The following NOL11 variants were observed in gnomAD, a reference collection of about 807,000 sequenced individuals.
NOL11 encodes the protein nucleolar protein 11.
A neutral mutation model predicts 93.0 loss-of-function variants in NOL11; 42 were observed. The observed-to-expected ratio is 0.45, with a 90% CI of 0.35 to 0.58. The LOEUF is 0.58. NOL11 is among the 20% of genes least tolerant of loss of function. The pLI, the probability that NOL11 is intolerant of heterozygous loss-of-function variation, is 0.00. For synonymous variants in NOL11, 296 were observed against 293.7 expected (o/e 1.01, Z -0.08); for missense variants, 775 against 841.8 (o/e 0.92, Z 0.98).
At chr17:67,727,001 T>A (rs1307086871) in intron 7 of NOL11, 1 of 164,154 alleles carries the variant, frequency 6.1e-6, no homozygotes, top group Non-Finnish European at 1.3e-5. Flanking sequence ...ATCATGGAAA[T>A]CCACTGGACA....
intron 8 of NOL11, among the ~76,000 whole-genome samples, chr17:67,735,140 CTG>C (rs2055189335): frequency 6.6e-6 from 1 of 152,178 alleles, no homozygotes; most frequent in Admixed American, 6.6e-5. Flanking sequence ...GCTGAACAGA[CTG>C]TGCACTTCCT....
At position 67,737,082 on chromosome 17, in the gene NOL11, A is replaced by G; in HGVS notation, c.1155A>G (p.Arg385=). ...TTACTTAATTCCAGTTAAGGAGACG[A>G]AAAATTGAAGTGAGTTTACAGCCAG... is the stretch of plus-strand genomic sequence containing the variant. The part of the protein sequence containing the change: ...SEQSRRILRR[R]KIEVSLQPEV... Residue 385 remains arginine (R), a synonymous_variant, in exon 11 of 18, where the codon CGA becomes CGG. Coordinates refer to ENST00000253247, the MANE Select transcript of NOL11 (RefSeq NM_015462.5). 6.2e-7 allele frequency: 1 copy of G among 1,609,242 alleles called. No homozygotes were observed. Among genetic ancestry groups the G allele is most frequent in the Non-Finnish European group, 8.5e-7 (1 of 1,175,736 alleles).
At chr17:67,719,560 G>T in intron 1 of NOL11, 114 bp from the exon 2 acceptor site, 2 of 606,374 alleles carry the variant, frequency 3.3e-6, no homozygotes, top group Non-Finnish European at 5.7e-6. Context: ...CCCTCGGCCA[G>T]TAAATTTTTT....
At chr17:67,724,214 C>G (rs780039248) in intron 6 of NOL11, 21 bp downstream of exon 6, 5 of 1,433,338 alleles carry the variant, frequency 3.5e-6, no homozygotes, top group Non-Finnish European at 3.8e-6. Flanking sequence ...TTTCTTTAAA[C>G]TTTCAGAGAT....
At chr17:67,727,811 C>CA (rs1168297780) in intron 7 of NOL11, among the ~76,000 whole-genome samples, 2 of 148,460 alleles carry the variant, frequency 1.3e-5, no homozygotes, top group South Asian at 2.1e-4. Flanking sequence ...ACCAAAAATA[C>CA]AAAAAATCAC....
At position 67,735,900 on chromosome 17, in the gene NOL11, C is replaced by G; in HGVS notation, c.931C>G (p.Leu311Val). Residue 311 changes from leucine to valine, a missense_variant and splice_region_variant, in exon 9 of 18, where the codon CTC becomes GTC. Physicochemically the swap from Leu to Val is conservative, Grantham distance 32 (BLOSUM62 1). Around this residue, in one of 2 missense-constraint regions of NOL11, gnomAD observed 416 missense variants for 525.2 expected, o/e 0.79. Transcript: ENST00000253247. ...ATGTTTTTGATAACTTTTTTTGTAG[C>G]TCTGGTATTATGGAGAACATTTGTT... is the stretch of plus-strand genomic sequence containing the variant. ...KELPQGTSGQ[L>V]WYYGEHLFML... 2 of 1,599,458 alleles carry G rather than the reference C, an allele frequency of 1.3e-6. No homozygotes were observed. Among genetic ancestry groups the G allele is most frequent in the South Asian group, 1.1e-5 (1 of 88,104 alleles).
At chr17:67,743,428 A>G (rs776990514) in intron 16 of NOL11, 51 bp from the exon 17 acceptor site, 1 of 801,016 alleles carries the variant, frequency 1.2e-6, no homozygotes, top group Non-Finnish European at 2.1e-6. Flanking sequence ...AAAGTGAATT[A>G]ACCTGAAGTT....
intron 15 of NOL11, 64 bp from the exon 16 acceptor site, chr17:67,739,452 G>A (rs2143139504): frequency 2.2e-6 from 2 of 921,790 alleles, no homozygotes; most frequent in East Asian, 2.6e-5. Context: ...TCTTCGTGAT[G>A]GGTTTATATA....
intron 7 of NOL11, among the ~76,000 whole-genome samples, chr17:67,729,269 CCTTTTT>C (rs934645516): frequency 9.5e-4 from 144 of 151,896 alleles, no homozygotes; most frequent in African/African-American, 3.3e-3. Flanking sequence ...TAATTTTTTT[CCTTTTT>C]CTTTTTGTAT....
intron 6 of NOL11, 122 bp from the exon 7 acceptor site, chr17:67,726,338 T>C (rs1411126118): frequency 2.9e-6 from 2 of 700,010 alleles, no homozygotes; most frequent in African/African-American, 3.7e-5. Context: ...ATGGGATTGT[T>C]TATTTTTCTG....
chr17:67,722,679 C>CT, intron 5 of NOL11, 42 bp downstream of exon 5: 2 of 1,420,038 alleles, frequency 1.4e-6, no homozygotes, highest in Non-Finnish European at 9.2e-7. Flanking sequence ...TGTGAAATTT[C>CT]TTTAAAAAAA....
At position 67,739,027 on chromosome 17, in the gene NOL11, G is replaced by A. The variant is rs1301015436; in HGVS notation, c.1842+17G>A. ...CATATCACGGTAAGTGTTCATACAA[G>A]TTGTATAGAATTTTACTTCTGGTTT... On this transcript the variant is annotated intron_variant, in intron 15 of 17. Coordinates refer to ENST00000253247, the MANE Select transcript of NOL11 (RefSeq NM_015462.5). 3 of 1,563,708 alleles carry A rather than the reference G, an allele frequency of 1.9e-6. No homozygotes were observed. The highest frequency in any genetic ancestry group is 2.6e-6 in the Non-Finnish European group (3 of 1,139,260).
At chr17:67,719,484 C>G in intron 1 of NOL11, 190 bp from the exon 2 acceptor site, 1 of 406,282 alleles carries the variant, frequency 2.5e-6, no homozygotes. Flanking sequence ...TGGTCTCGAA[C>G]TCCTGACCTC....
chr17:67,738,321 T>G lies in NOL11; in HGVS notation c.1729T>G (p.Ser577Ala), dbSNP rs1464857843. ...CCAGGACGAAACAAAGGAGAGCACTTCATGCCCTGTGGTACAAAAAAGAGC... is the reference window on the plus strand; with the variant it reads ...CCAGGACGAAACAAAGGAGAGCACTGCATGCCCTGTGGTACAAAAAAGAGC... ...KPQDETKESTSCPVVQKRAAL... is the reference protein window; with the variant it reads ...KPQDETKESTACPVVQKRAAL... Residue 577 changes from serine to alanine, a missense_variant, in exon 14 of 18, where the codon TCA becomes GCA. Coordinates refer to ENST00000253247, the MANE Select transcript of NOL11 (RefSeq NM_015462.5). The G allele has an allele frequency of 6.2e-7, 1 of 1,613,566 alleles. No individual in the cohort carries two copies.
rs1002024664 is a variant in NOL11 at position 67,719,943 on chromosome 17, A to G, written c.293A>G (p.Asp98Gly). Residue 98 changes from aspartate to glycine, a missense_variant, in exon 3 of 18, where the codon GAT becomes GGT. Asp to Gly is a moderately conservative substitution (Grantham distance 94, BLOSUM62 -1). Transcript: ENST00000253247. ...TGGAATAATGAAGATGTAAACCTGG[A>G]TAAAGTATTTAAAGCTACAGTAAGT... Reference protein sequence around the residue: ...RIWNNEDVNLDKVFKATLSAE... With the variant: ...RIWNNEDVNLGKVFKATLSAE... The G allele has an allele frequency of 9.5e-6, 15 of 1,571,678 alleles. No individual in the cohort carries two copies. The highest frequency in any genetic ancestry group is 1.4e-5 in the African/African-American group (1 of 73,318).
chr17:67,737,384 T>A lies in NOL11; in HGVS notation c.1219-124T>A, dbSNP rs2055211963. 1.2e-5 allele frequency: 10 copies of A among 821,768 alleles called. No homozygotes were observed. In the Admixed American group the frequency reaches 2.2e-4, roughly 18 times the overall value. The allele number at this position is 821,768 out of a possible 1,614,324, so 50.9% of individuals were successfully genotyped here. A position where few individuals can be genotyped will look rare whatever the true frequency, so the allele number is the denominator to read the frequency against. On this transcript the variant is annotated intron_variant, in intron 11 of 17. Coordinates refer to ENST00000253247, the MANE Select transcript of NOL11 (RefSeq NM_015462.5). ...TCTCATTTAACTTTGCAGTGTCAGC[T>A]TCAGCTTTGCAGGAATGCATGATAA...
At chr17:67,735,695 A>T (rs2055195031) in intron 8 of NOL11, among the ~76,000 whole-genome samples, 1 of 152,158 alleles carries the variant, frequency 6.6e-6, no homozygotes. Context: ...TGAGTTGAAA[A>T]TATTCTTTAA....
At chr17:67,725,493 C>T (rs1283069897) in intron 6 of NOL11, among the ~76,000 whole-genome samples, 1 of 152,090 alleles carries the variant, frequency 6.6e-6, no homozygotes, top group African/African-American at 2.4e-5. Flanking sequence ...TAAACAAGAG[C>T]AATACATAGG....
chr17:67,718,111 C>G (rs1759830615), intron 1 of NOL11, 23 bp downstream of exon 1: 1 of 1,605,168 alleles, frequency 6.2e-7, no homozygotes, highest in African/African-American at 1.3e-5. Flanking sequence ...GGTTTGGGAG[C>G]GCCCCGACTG....
Sources: allele counts gnomAD v4.1 joint callset (sites outside exome capture counted in the v4.1 genomes callset), GRCh38; gene constraint gnomAD v4.1.1; regional missense constraint gnomAD v4.1.1; transcripts MANE v1.5; gene names NCBI Gene and HGNC (gene_info 2026-07-23, HGNC 2026-07-21).